The following LMX1B variants were observed in gnomAD, a reference collection of about 807,000 sequenced individuals.
LMX1B encodes the protein LIM homeobox transcription factor 1 beta.
A neutral mutation model predicts 51.4 loss-of-function variants in LMX1B; 12 were observed. That is an observed-to-expected ratio of 0.23 (90% CI 0.15 to 0.38). The LOEUF (loss-of-function observed/expected upper bound fraction) is 0.38, where lower values mean the gene tolerates loss of function less well. Ranked by LOEUF, LMX1B falls within the 10% of genes least tolerant of loss-of-function variation. LMX1B has a pLI of 1.00. For missense variants in LMX1B, 445 were observed against 571.1 expected (o/e 0.78, Z 2.25); for synonymous variants, 237 against 235.4 (o/e 1.01, Z -0.06).
chr9:126,652,296 A>ACG (rs1554724846), intron 2 of LMX1B, among the ~76,000 whole-genome samples: 1 of 120,280 alleles, frequency 8.3e-6, no homozygotes, highest in Non-Finnish European at 1.8e-5. Flanking sequence ...GAGGAGGAGA[A>ACG]GGGGGGGGGG....
intron 2 of LMX1B, among the ~76,000 whole-genome samples, chr9:126,646,889 AG>A (rs1835912891): frequency 1.3e-5 from 2 of 149,944 alleles, no homozygotes; most frequent in South Asian, 4.3e-4. Flanking sequence ...CAGTCTAACA[AG>A]GGGGTAGGGG....
At chr9:126,694,249 G>C (rs193040052) in intron 6 of LMX1B, among the ~76,000 whole-genome samples, 59 of 147,074 alleles carry the variant, frequency 4.0e-4, no homozygotes, top group Admixed American at 1.2e-3. Context: ...TCACTGCAAG[G>C]GGGGGTATTG....
chr9:126,688,667 T>G (rs1231374764), intron 2 of LMX1B, among the ~76,000 whole-genome samples: 1 of 152,110 alleles, frequency 6.6e-6, no homozygotes, highest in African/African-American at 2.4e-5. Flanking sequence ...GACAGTTGGG[T>G]AGGTTGTGCC....
intron 2 of LMX1B, among the ~76,000 whole-genome samples, chr9:126,676,379 G>A (rs1280389686): frequency 6.6e-6 from 1 of 152,266 alleles, no homozygotes; most frequent in East Asian, 1.9e-4. Flanking sequence ...CCAGTGGCTT[G>A]TTCGCTGCTG....
intron 2 of LMX1B, among the ~76,000 whole-genome samples, chr9:126,683,096 G>A (rs975869116): frequency 1.1e-4 from 16 of 151,242 alleles, no homozygotes; most frequent in African/African-American, 3.9e-4. Context: ...GGGCCGAGGG[G>A]CCGGCGGCCC....
chr9:126,645,476 C>T (rs1455810260), intron 2 of LMX1B, among the ~76,000 whole-genome samples: 1 of 152,242 alleles, frequency 6.6e-6, no homozygotes. Context: ...CAAGGGACAT[C>T]GTTCCCAAGC....
chr9:126,634,451 C>T (rs10117880), intron 2 of LMX1B, among the ~76,000 whole-genome samples: 127,089 of 152,130 alleles, frequency 0.84, 53,780 homozygotes, highest in Non-Finnish European at 0.92. Context: ...CAGGTCCTGC[C>T]CTCGGCTGCC....
rs7023938 is a variant in LMX1B, at chr9:126,699,797, G to A, written c.*3346G>A. ...GGGCCACCCAGCAGAAGCCTGTGGG[G>A]CTGGGCAACCTTCTCCCACTTTATG... On this transcript the variant is annotated 3_prime_UTR_variant, in exon 8 of 8. Coordinates refer to ENST00000373474, the MANE Select transcript of LMX1B (RefSeq NM_001174147.2). 0.22 allele frequency: 34,083 copies of A among 152,082 alleles called. 4,150 individuals carry two copies. The highest frequency in any genetic ancestry group is 0.31 in the South Asian group (1,493 of 4,810). The allele number at this position is 152,082 out of a possible 1,614,324, so 9.4% of individuals were successfully genotyped here.
rs564039416 is a variant in LMX1B, at chr9:126,630,464, G to T, written c.326+14895G>T. 1.0e-3 allele frequency among the ~76,000 whole-genome samples: 157 copies of T among 152,162 alleles called. 10 individuals are homozygous for T. The highest frequency in any genetic ancestry group is 3.5e-4 in the Non-Finnish European group (24 of 68,036). On this transcript the variant is annotated intron_variant, in intron 2 of 7. Transcript: ENST00000373474. The stretch of plus-strand genomic sequence containing the variant: ...GGGGGAGGGTTGTTATCTGTGACCT[G>T]TCTGGTGCCAAACAGGCATGGCGTC...
chr9:126,640,288 G>A (rs12342373), intron 2 of LMX1B, among the ~76,000 whole-genome samples: 24,460 of 152,016 alleles, frequency 0.16, 2,523 homozygotes, highest in East Asian at 0.42. Context: ...AGGGACCAGC[G>A]GGCAGCCCTG....
chr9:126,670,654 A>C (rs1223249233), intron 2 of LMX1B, among the ~76,000 whole-genome samples: 1 of 152,170 alleles, frequency 6.6e-6, no homozygotes, highest in Non-Finnish European at 1.5e-5. Context: ...CTGTTGGCAC[A>C]TGCAATACAG....
chr9:126,676,497 T>C (rs1836567457), intron 2 of LMX1B, among the ~76,000 whole-genome samples: 1 of 152,204 alleles, frequency 6.6e-6, no homozygotes, highest in African/African-American at 2.4e-5. Context: ...CTCCATGCCA[T>C]GGGGCTTGGG....
intron 2 of LMX1B, among the ~76,000 whole-genome samples, chr9:126,643,080 A>T (rs890457293): frequency 2.6e-5 from 4 of 152,190 alleles, no homozygotes; most frequent in Non-Finnish European, 4.4e-5. Flanking sequence ...TGGTGTCAGT[A>T]TCAGCCATCA....
intron 2 of LMX1B, among the ~76,000 whole-genome samples, chr9:126,636,028 G>A (rs1203666641): frequency 1.3e-5 from 2 of 151,214 alleles, no homozygotes; most frequent in East Asian, 4.0e-4. Flanking sequence ...AGCCCAGTGA[G>A]TTCCCTGGGT....
intron 2 of LMX1B, among the ~76,000 whole-genome samples, chr9:126,627,939 C>T (rs1355600028): frequency 6.6e-6 from 1 of 152,180 alleles, no homozygotes; most frequent in Non-Finnish European, 1.5e-5. Flanking sequence ...TCTGTCTTCC[C>T]TGGGCCCAGG....
chr9:126,637,553 C>T (rs926080587), intron 2 of LMX1B, among the ~76,000 whole-genome samples: 6 of 151,896 alleles, frequency 4.0e-5, no homozygotes, highest in South Asian at 2.1e-4. Flanking sequence ...TCTGGGTGTC[C>T]GTGTGGTGTT....
intron 2 of LMX1B, among the ~76,000 whole-genome samples, chr9:126,639,814 T>G (rs1186604190): frequency 6.6e-6 from 1 of 152,228 alleles, no homozygotes; most frequent in African/African-American, 2.4e-5. Context: ...CTGTCGATTT[T>G]TATTCTTCTG....
In LMX1B at chr9:126,615,579, TCTCGTCCTC is replaced by T; in HGVS notation, c.326+13_326+21del. On this transcript the variant is annotated intron_variant, in intron 2 of 7. Coordinates refer to ENST00000373474, the MANE Select transcript of LMX1B (RefSeq NM_001174147.2). The surrounding 1 kb of genome is among the most constrained non-coding windows in gnomAD (Gnocchi z 6.0). ...AACAAGACTACCAACAGTAAGCGCTTCTCGTCCTCCTTCCCCGCCACCGCCCGGCACTCG... is the reference window on the plus strand; with the variant it reads ...AACAAGACTACCAACAGTAAGCGCTTCTTCCCCGCCACCGCCCGGCACTCG... 1 of 1,600,604 alleles carries T rather than the reference TCTCGTCCTC, an allele frequency of 6.2e-7. No individual in the cohort carries two copies. Among genetic ancestry groups the T allele is most frequent in the South Asian group, 1.1e-5 (1 of 89,242 alleles).
chr9:126,684,095 G>A (rs554717353), intron 2 of LMX1B, among the ~76,000 whole-genome samples: 1 of 152,054 alleles, frequency 6.6e-6, no homozygotes, highest in East Asian at 1.9e-4. Context: ...GGGTGTAGCC[G>A]GTGGGAACAG....
Sources: allele counts gnomAD v4.1 joint callset (sites outside exome capture counted in the v4.1 genomes callset), GRCh38; gene constraint gnomAD v4.1.1; non-coding constraint Gnocchi (gnomAD v3.1); transcripts MANE v1.5; gene names NCBI Gene and HGNC (gene_info 2026-07-23, HGNC 2026-07-21).